The following CYP51A1 variants were observed in gnomAD, a reference collection of about 807,000 sequenced individuals.
CYP51A1 encodes cytochrome P450 family 51 subfamily A member 1.
CYP51A1 carries 45 observed loss-of-function variants against 53.5 expected under a neutral mutation model. The ratio of observed to expected loss-of-function variants is 0.84; its 90% CI spans 0.66 to 1.08. The LOEUF is 1.08. CYP51A1 is among the 50% of genes least tolerant of loss of function. The pLI is 0.00. For synonymous variants in CYP51A1, 181 were observed against 217.7 expected (o/e 0.83, Z 1.48); for missense variants, 462 against 621.7 (o/e 0.74, Z 2.73).
At position 92,127,622 on chromosome 7, in the gene CYP51A1, C is replaced by A; in HGVS notation, c.478G>T (p.Glu160Ter). ...AYDVPNPVFL[E>*]QKKMLKSGLN... ...CCACTTTTTAACATTTTCTTCTGCT[C>A]CAAGAAAACCTTCAAAAAAATTCAA... The change falls in exon 4 of 10, where the codon GAG becomes TAG. Residue 160 changes from glutamate (E) to a stop codon, truncating the protein, a stop_gained. Coordinates refer to ENST00000003100, the MANE Select transcript of CYP51A1 (RefSeq NM_000786.4). LOFTEE classifies it high-confidence loss of function. 6.2e-7 allele frequency: 1 copy of A among 1,613,430 alleles called. No individual in the cohort carries two copies. Among genetic ancestry groups the A allele is most frequent in the Non-Finnish European group, 8.5e-7 (1 of 1,179,716 alleles).
chr7:92,113,319 A>C lies in CYP51A1; in HGVS notation c.*346T>G, dbSNP rs1456415546. Reference sequence around the variant, plus strand: ...TGCAGGACTAGTCCAAGATTTGAATACCCTGAACTTATTTGGCAAGAGCGA... The same window carrying C: ...TGCAGGACTAGTCCAAGATTTGAATCCCCTGAACTTATTTGGCAAGAGCGA... On this transcript the variant is annotated 3_prime_UTR_variant, in exon 10 of 10. Coordinates refer to ENST00000003100, the MANE Select transcript of CYP51A1 (RefSeq NM_000786.4). 4.8e-6 allele frequency: 1 copy of C among 207,586 alleles called. No homozygotes were observed. The highest frequency in any genetic ancestry group is 9.5e-6 in the Non-Finnish European group (1 of 104,868). The allele number at this position is 207,586 out of a possible 1,614,324, so 12.9% of individuals were successfully genotyped here.
Position 92,112,352 on chromosome 7 carries a change from A to ATAAG in CYP51A1, c.*1309_*1312dup, listed in dbSNP as rs1372969049. 2 of 152,228 alleles carry ATAAG rather than the reference A, an allele frequency of 1.3e-5. No individual in the cohort carries two copies. Among genetic ancestry groups the ATAAG allele is most frequent in the East Asian group, 1.9e-4 (1 of 5,204 alleles). 9.4% of individuals were successfully genotyped at this position (152,228 alleles called of 1,614,324 possible). A position where few individuals can be genotyped will look rare whatever the true frequency, so the allele number is the denominator to read the frequency against. Reference sequence around the variant, plus strand: ...GTTAGGCCCCGAGTTACAATTTGAGATAAGTTGATTCCTAAACAGAATGTG... The same window carrying ATAAG: ...GTTAGGCCCCGAGTTACAATTTGAGATAAGTAAGTTGATTCCTAAACAGAATGTG... On this transcript the variant is annotated 3_prime_UTR_variant, in exon 10 of 10. Coordinates refer to ENST00000003100, the MANE Select transcript of CYP51A1 (RefSeq NM_000786.4).
intron 2 of CYP51A1, among the ~76,000 whole-genome samples, chr7:92,130,240 T>C (rs551418615): frequency 5.3e-5 from 8 of 152,306 alleles, no homozygotes; most frequent in African/African-American, 1.2e-4. Flanking sequence ...TTTGGTCCTA[T>C]AGTCAGAGAA....
chr7:92,121,312 C>T (rs887215601), intron 7 of CYP51A1, among the ~76,000 whole-genome samples: 9 of 151,752 alleles, frequency 5.9e-5, no homozygotes, highest in Non-Finnish European at 7.4e-5. Flanking sequence ...CACTTCACAC[C>T]TATTATAATA....
chr7:92,117,285 TA>T (rs1239320615), intron 8 of CYP51A1, 73 bp from the exon 9 acceptor site: 1 of 1,350,628 alleles, frequency 7.4e-7, no homozygotes, highest in African/African-American at 1.4e-5. Flanking sequence ...CATTGTGTAA[TA>T]AAGCATGAAT....
rs139735912 is a variant in CYP51A1, at chr7:92,114,780, G to C, written c.1352-937C>G. On this transcript the variant is annotated intron_variant, in intron 9 of 9. Transcript: ENST00000003100. ...GCCAGAAAGCAATAACCATTTAAAA[G>C]ATTGATACATTGGACTAAACTAAAG... Among the ~76,000 whole-genome samples, 830 of 152,268 alleles carry C rather than the reference G, an allele frequency of 5.5e-3. 3 individuals are homozygous for C. Among genetic ancestry groups the C allele is most frequent in the Admixed American group, 9.8e-3 (150 of 15,296 alleles).
chr7:92,112,509 C>T lies in CYP51A1; in HGVS notation c.*1156G>A, dbSNP rs1466824210. ...CTGTTTTAATCAATATGAGTAGTAA[C>T]AAACATCCCTAATTGGATTCTAGAG... On this transcript the variant is annotated 3_prime_UTR_variant, in exon 10 of 10. Coordinates refer to ENST00000003100, the MANE Select transcript of CYP51A1 (RefSeq NM_000786.4). 3.9e-5 allele frequency: 6 copies of T among 152,144 alleles called. No individual in the cohort carries two copies. The highest frequency in any genetic ancestry group is 4.1e-4 in the South Asian group (2 of 4,834). The allele number at this position is 152,144 out of a possible 1,614,324, so 9.4% of individuals were successfully genotyped here.
chr7:92,116,775 A>G (rs750814236), intron 9 of CYP51A1, among the ~76,000 whole-genome samples: 1 of 152,250 alleles, frequency 6.6e-6, no homozygotes, highest in Non-Finnish European at 1.5e-5. Flanking sequence ...TGTAAGGGAA[A>G]ACAAGGATGT....
intron 8 of CYP51A1, 194 bp from the exon 9 acceptor site, chr7:92,117,406 G>A (rs894536414): frequency 2.2e-6 from 1 of 460,510 alleles, no homozygotes; most frequent in Non-Finnish European, 3.8e-6. Flanking sequence ...AGAACCATCT[G>A]TACATATATT....
intron 2 of CYP51A1, among the ~76,000 whole-genome samples, chr7:92,131,340 C>T (rs982747572): frequency 2.0e-5 from 3 of 152,116 alleles, no homozygotes; most frequent in Admixed American, 6.6e-5. Context: ...AGAGAGAAGA[C>T]GGGCAAATAA....
chr7:92,121,724 A>G (rs1055626811), intron 7 of CYP51A1, among the ~76,000 whole-genome samples: 3 of 152,234 alleles, frequency 2.0e-5, no homozygotes, highest in South Asian at 2.1e-4. Flanking sequence ...ACAAAAGACT[A>G]CAAATTGTAT....
intron 8 of CYP51A1, among the ~76,000 whole-genome samples, chr7:92,118,206 T>C (rs1021368793): frequency 6.6e-6 from 1 of 152,134 alleles, no homozygotes; most frequent in African/African-American, 2.4e-5. Flanking sequence ...CAGGCAGCAA[T>C]GCAGTGGCGT....
At chr7:92,126,216 G>C (rs1441788176) in intron 5 of CYP51A1, 37 bp downstream of exon 5, 2 of 1,447,870 alleles carry the variant, frequency 1.4e-6, no homozygotes, top group Non-Finnish European at 1.8e-6. Flanking sequence ...ATTATACAAA[G>C]TTAAATAACC....
chr7:92,113,568 CAGT>C lies in CYP51A1; in HGVS notation c.*94_*96del. 1 of 1,160,678 alleles carries C rather than the reference CAGT, an allele frequency of 8.6e-7. No homozygotes were observed. The highest frequency in any genetic ancestry group is 1.6e-5 in the African/African-American group (1 of 63,156). The allele number at this position is 1,160,678 out of a possible 1,614,324, so 71.9% of individuals were successfully genotyped here. A position where few individuals can be genotyped will look rare whatever the true frequency, so the allele number is the denominator to read the frequency against. Reference sequence around the variant, plus strand: ...TTTTAGAATTACACACTTAAAAAAACAGTAAACTACAAGAGTTGTTTTGTACAC... The same window carrying C: ...TTTTAGAATTACACACTTAAAAAAACAAACTACAAGAGTTGTTTTGTACAC... On this transcript the variant is annotated 3_prime_UTR_variant, in exon 10 of 10. Coordinates refer to ENST00000003100, the MANE Select transcript of CYP51A1 (RefSeq NM_000786.4).
At chr7:92,129,780 A>G (rs1250247689) in intron 2 of CYP51A1, among the ~76,000 whole-genome samples, 4 of 152,208 alleles carry the variant, frequency 2.6e-5, no homozygotes, top group Non-Finnish European at 4.4e-5. Flanking sequence ...AGTATTACAG[A>G]AAGGAAAGCA....
chr7:92,126,416 C>T lies in CYP51A1; in HGVS notation c.607G>A (p.Ala203Thr), dbSNP rs752203059. ...GESGEKNVFE[A>T]LSELIILTAS... ...GTTAAAATTATGAGCTCAGAAAGAG[C>T]TTCAAACACATCTAGGGAGAAAAAA... The change falls in exon 5 of 10, where the codon GCT (alanine) becomes ACT (threonine). Residue 203 changes from alanine to threonine, a missense_variant. By Grantham distance (58) the Ala-to-Thr change is moderately conservative (BLOSUM62 0). Coordinates refer to ENST00000003100, the MANE Select transcript of CYP51A1 (RefSeq NM_000786.4). 2 of 1,611,730 alleles carry T rather than the reference C, an allele frequency of 1.2e-6. No individual in the cohort carries two copies. The highest frequency in any genetic ancestry group is 3.4e-5 in the Admixed American group (2 of 59,386).
intron 9 of CYP51A1, among the ~76,000 whole-genome samples, chr7:92,115,847 G>C (rs994441195): frequency 2.0e-5 from 3 of 152,190 alleles, no homozygotes; most frequent in African/African-American, 7.2e-5. Flanking sequence ...CATCATAAAA[G>C]GTAACTGAAC....
At chr7:92,117,270 C>T (rs969425038) in intron 8 of CYP51A1, 58 bp from the exon 9 acceptor site, 1 of 1,467,812 alleles carries the variant, frequency 6.8e-7, no homozygotes, top group South Asian at 1.2e-5. Context: ...GACAAATAAT[C>T]AGATCATTGT....
At chr7:92,127,734 T>C in intron 3 of CYP51A1, 103 bp from the exon 4 acceptor site, 3 of 1,177,132 alleles carry the variant, frequency 2.5e-6, no homozygotes, top group Non-Finnish European at 2.5e-6. Context: ...ACACAAGTAA[T>C]GGTTTTAACC....
Sources: gnomAD v4.1 joint callset for allele counts (sites outside exome capture counted in the v4.1 genomes callset) on GRCh38, gnomAD v4.1.1 for gene constraint, MANE v1.5 for transcripts, NCBI Gene and HGNC (gene_info 2026-07-23, HGNC 2026-07-21) for gene names.